TBC1D9: variants seen among roughly 807,000 people sequenced by gnomAD.
TBC1D9 encodes the protein TBC1 domain family member 9.
TBC1D9 carries 63 observed loss-of-function variants against 132.0 expected under a neutral mutation model. The observed-to-expected ratio is 0.48, with a 90% CI of 0.39 to 0.59. The LOEUF is 0.59. Ranked by LOEUF, TBC1D9 falls within the 20% of genes least tolerant of loss-of-function variation. The pLI is 0.00. For missense variants in TBC1D9, 1,261 were observed against 1,592.7 expected (o/e 0.79, Z 3.54); for synonymous variants, 610 against 609.9 (o/e 1.00, Z 0.00).
At chr4:140,628,442 G>A in intron 16 of TBC1D9, 77 bp from the exon 17 acceptor site, 1 of 1,343,160 alleles carries the variant, frequency 7.4e-7, no homozygotes, top group Admixed American at 1.7e-5. Flanking sequence ...CCTCTAAAAA[G>A]TCTACTTCAT....
chr4:140,623,195 C>T (rs778726592), intron 20 of TBC1D9, among the ~76,000 whole-genome samples: 4 of 152,122 alleles, frequency 2.6e-5, no homozygotes, highest in Non-Finnish European at 5.9e-5. Context: ...CATGAACCTC[C>T]CACCTCAGCC....
intron 16 of TBC1D9, among the ~76,000 whole-genome samples, chr4:140,632,610 G>T (rs1242244585): frequency 2.0e-5 from 3 of 152,114 alleles, no homozygotes; most frequent in Non-Finnish European, 4.4e-5. Context: ...AAAAACTAAT[G>T]TTCCAACAAG....
intron 1 of TBC1D9, among the ~76,000 whole-genome samples, chr4:140,750,662 T>C (rs1021662917): frequency 6.6e-6 from 1 of 151,822 alleles, no homozygotes; most frequent in Admixed American, 6.6e-5. Flanking sequence ...TAAAGGAATA[T>C]ACCATGTTCA....
At position 140,620,947 on chromosome 4, in the gene TBC1D9, A is replaced by G. The variant is rs1736604304; in HGVS notation, c.*1248T>C. 1 of 152,684 alleles carries G rather than the reference A, an allele frequency of 6.5e-6. No individual in the cohort carries two copies. The highest frequency in any genetic ancestry group is 2.4e-5 in the African/African-American group (1 of 41,480). 9.5% of individuals were successfully genotyped at this position (152,684 alleles called of 1,614,324 possible). The stretch of plus-strand genomic sequence containing the variant: ...ATAAAATAAAGGAATGTGTTGAAAG[A>G]AATATTCCAAAGAAGCAAAGGAAAT... On this transcript the variant is annotated 3_prime_UTR_variant, in exon 21 of 21. Transcript: ENST00000442267.
intron 1 of TBC1D9, among the ~76,000 whole-genome samples, chr4:140,704,872 A>C (rs1001524721): frequency 6.6e-6 from 1 of 152,206 alleles, no homozygotes. Flanking sequence ...CAAGTTCACC[A>C]ACCCTACCTC....
chr4:140,688,112 A>G (rs1737817122), intron 2 of TBC1D9, among the ~76,000 whole-genome samples: 1 of 152,056 alleles, frequency 6.6e-6, no homozygotes, highest in African/African-American at 2.4e-5. Context: ...AAAAAAAAGC[A>G]GGTATCTTAG....
At chr4:140,676,280 A>G (rs534248965) in intron 6 of TBC1D9, among the ~76,000 whole-genome samples, 1 of 152,296 alleles carries the variant, frequency 6.6e-6, no homozygotes, top group Non-Finnish European at 1.5e-5. Flanking sequence ...CTTGCCTTTC[A>G]GGATCTGTGC....
chr4:140,702,954 T>G (rs148583657), intron 1 of TBC1D9, among the ~76,000 whole-genome samples: 498 of 152,270 alleles, frequency 3.3e-3, no homozygotes, highest in African/African-American at 0.011. Context: ...TTTTCTCAAT[T>G]GCCAAATGGA....
intron 11 of TBC1D9, chr4:140,659,324 C>T (rs908988284): frequency 1.8e-5 from 5 of 271,262 alleles, no homozygotes; most frequent in Non-Finnish European, 3.4e-5. Context: ...GTAGCTCTCA[C>T]ATGTCAGAGT....
chr4:140,725,419 A>G (rs1738484304), intron 1 of TBC1D9, among the ~76,000 whole-genome samples: 1 of 152,196 alleles, frequency 6.6e-6, no homozygotes, highest in African/African-American at 2.4e-5. Context: ...TTCCTCATCT[A>G]TGAGGAACAT....
chr4:140,650,746 G>A (rs4956469), intron 13 of TBC1D9, among the ~76,000 whole-genome samples: 18,627 of 151,870 alleles, frequency 0.12, 1,230 homozygotes, highest in East Asian at 0.16. Flanking sequence ...CGTTGGCCAG[G>A]TTGGCTTCCA....
chr4:140,750,160 A>G (rs995866228), intron 1 of TBC1D9, among the ~76,000 whole-genome samples: 10 of 30,240 alleles, frequency 3.3e-4, no homozygotes, highest in Non-Finnish European at 4.9e-4. Context: ...AACAAAAATT[A>G]AAAAAAAAAA....
intron 2 of TBC1D9, among the ~76,000 whole-genome samples, chr4:140,687,351 T>TC (rs1261801756): frequency 3.9e-4 from 12 of 30,498 alleles, no homozygotes; most frequent in African/African-American, 2.3e-3. Flanking sequence ...GTCATATATA[T>TC]ATATATATAT....
At chr4:140,726,444 T>G (rs2111063088) in intron 1 of TBC1D9, among the ~76,000 whole-genome samples, 1 of 152,282 alleles carries the variant, frequency 6.6e-6, no homozygotes. Flanking sequence ...TTTCTCCTCT[T>G]ACATCTTTTC....
chr4:140,659,446 T>C (rs1737324683), intron 11 of TBC1D9, 142 bp downstream of exon 11: 3 of 580,092 alleles, frequency 5.2e-6, no homozygotes, highest in Non-Finnish European at 9.2e-6. Flanking sequence ...ATTCAACCTC[T>C]CTCATTTCCA....
chr4:140,670,648 G>T, intron 7 of TBC1D9, 72 bp downstream of exon 7: 4 of 1,277,824 alleles, frequency 3.1e-6, no homozygotes, highest in Non-Finnish European at 1.1e-6. Context: ...AAACAAAATG[G>T]GCAAGGAACT....
At chr4:140,644,612 G>A (rs17006213) in intron 13 of TBC1D9, 8,597 of 372,482 alleles carry the variant, frequency 0.023, 731 homozygotes, top group African/African-American at 0.17. Flanking sequence ...GTACTCCTCT[G>A]CGCCTTCAGC....
At chr4:140,663,672 T>C (rs982751456) in intron 9 of TBC1D9, among the ~76,000 whole-genome samples, 2 of 151,936 alleles carry the variant, frequency 1.3e-5, no homozygotes, top group African/African-American at 4.8e-5. Flanking sequence ...ATAAAGAAAA[T>C]GGGGCATATA....
chr4:140,729,896 C>CT (rs909289301), intron 1 of TBC1D9, among the ~76,000 whole-genome samples: 9 of 135,624 alleles, frequency 6.6e-5, no homozygotes, highest in Non-Finnish European at 1.4e-4. Flanking sequence ...TATTTTTTGT[C>CT]TTTTTTTCCC....
Sources: allele counts gnomAD v4.1 joint callset (sites outside exome capture counted in the v4.1 genomes callset), GRCh38; gene constraint gnomAD v4.1.1; transcripts MANE v1.5; gene names NCBI Gene and HGNC (gene_info 2026-07-23, HGNC 2026-07-21).